Variants in PDGFD observed in about 807,000 individuals in gnomAD.
The protein encoded by PDGFD is platelet-derived growth factor D.
PDGFD carries 30 observed loss-of-function variants against 44.7 expected under a neutral mutation model. The observed-to-expected ratio is 0.67, with a 90% CI of 0.50 to 0.91. The LOEUF (loss-of-function observed/expected upper bound fraction) is 0.91, where lower values mean the gene tolerates loss of function less well. PDGFD is among the 40% of genes least tolerant of loss of function. The pLI is 0.00. For missense variants in PDGFD, 445 were observed against 457.8 expected, an observed-to-expected ratio of 0.97 and a Z score of 0.25; for synonymous variants, 173 against 168.4, an observed-to-expected ratio of 1.03 and a Z score of -0.21.
intron 1 of PDGFD, among the ~76,000 whole-genome samples, chr11:104,013,290 C>T (rs1018555234): frequency 1.3e-5 from 2 of 152,106 alleles, no homozygotes; most frequent in Non-Finnish European, 2.9e-5. Flanking sequence ...GACCTGATTC[C>T]TCCTGCATAC....
intron 3 of PDGFD, among the ~76,000 whole-genome samples, chr11:103,964,499 G>T (rs773377169): frequency 1.3e-5 from 2 of 152,116 alleles, no homozygotes; most frequent in Non-Finnish European, 2.9e-5. Context: ...CCTTAGTCCA[G>T]ATTTTGTGCA....
rs139048263 is a variant in PDGFD at position 104,153,046 on chromosome 11, T to TGCACAAGCTCCTAAAGCTTA, written c.124+10738_124+10757dup. Among the ~76,000 whole-genome samples, 1,173 of 152,294 alleles carry TGCACAAGCTCCTAAAGCTTA rather than the reference T, an allele frequency of 7.7e-3. 14 individuals carry two copies. Among genetic ancestry groups the TGCACAAGCTCCTAAAGCTTA allele is most frequent in the African/African-American group, 0.026 (1,096 of 41,568 alleles). On this transcript the variant is annotated intron_variant, in intron 1 of 6. Coordinates refer to ENST00000393158, the MANE Select transcript of PDGFD (RefSeq NM_025208.5). ...CCTCTAGGTTTCTCCACATCAATGT[T>TGCACAAGCTCCTAAAGCTTA]GCACAAGCTCCTAAAGCTTAAAGTG...
chr11:103,946,706 A>G (rs1858672554), intron 4 of PDGFD, among the ~76,000 whole-genome samples: 1 of 152,228 alleles, frequency 6.6e-6, no homozygotes, highest in African/African-American at 2.4e-5. Context: ...GGTTCAGAGC[A>G]TGTATTCTGG....
chr11:104,079,012 T>C (rs868564757), intron 1 of PDGFD, among the ~76,000 whole-genome samples: 5 of 152,228 alleles, frequency 3.3e-5, no homozygotes, highest in South Asian at 2.1e-4. Flanking sequence ...ACTGTGAATA[T>C]TGCTTTAAAA....
intron 3 of PDGFD, among the ~76,000 whole-genome samples, chr11:103,958,336 C>A (rs572943646): frequency 3.9e-5 from 6 of 152,240 alleles, no homozygotes; most frequent in African/African-American, 1.4e-4. Context: ...ATAAACGAAT[C>A]TTCTTGATTT....
chr11:104,140,896 T>C (rs1253210702), intron 1 of PDGFD, among the ~76,000 whole-genome samples: 1 of 152,266 alleles, frequency 6.6e-6, no homozygotes, highest in Admixed American at 6.5e-5. Flanking sequence ...TCACAGCTAA[T>C]AGCTATATGT....
At chr11:104,052,551 T>G (rs1860557031) in intron 1 of PDGFD, among the ~76,000 whole-genome samples, 1 of 151,946 alleles carries the variant, frequency 6.6e-6, no homozygotes, top group East Asian at 1.9e-4. Flanking sequence ...CCAGGGAAGG[T>G]GCTCAGTAAG....
intron 3 of PDGFD, among the ~76,000 whole-genome samples, chr11:103,953,406 T>C (rs928380657): frequency 2.0e-5 from 3 of 152,194 alleles, no homozygotes; most frequent in East Asian, 3.8e-4. Context: ...TACAGATATA[T>C]GAATGAAGCA....
chr11:104,065,311 AACT>A (rs960728538), intron 1 of PDGFD, among the ~76,000 whole-genome samples: 10 of 152,156 alleles, frequency 6.6e-5, no homozygotes, highest in African/African-American at 2.4e-4. Flanking sequence ...ACCCTAATAT[AACT>A]ACTATTTCTA....
intron 1 of PDGFD, among the ~76,000 whole-genome samples, chr11:104,076,184 C>A (rs995773137): frequency 1.3e-5 from 2 of 152,108 alleles, no homozygotes; most frequent in African/African-American, 4.8e-5. Flanking sequence ...CACATTCCAC[C>A]ATGATTATGT....
At chr11:104,103,015 A>T (rs943698224) in intron 1 of PDGFD, among the ~76,000 whole-genome samples, 1 of 152,190 alleles carries the variant, frequency 6.6e-6, no homozygotes, top group Non-Finnish European at 1.5e-5. Flanking sequence ...CCAACAAGGC[A>T]CATGTATACA....
At chr11:103,956,411 A>G (rs1591093583) in intron 3 of PDGFD, among the ~76,000 whole-genome samples, 1 of 138,892 alleles carries the variant, frequency 7.2e-6, no homozygotes, top group Admixed American at 6.9e-5. Context: ...TTATGGCTGC[A>G]TAGTATTCCA....
At position 104,004,973 on chromosome 11, in the gene PDGFD, G is replaced by C. The variant is rs1320172861; in HGVS notation, c.125-4718C>G. On this transcript the variant is annotated intron_variant, in intron 1 of 6. Coordinates refer to ENST00000393158, the MANE Select transcript of PDGFD (RefSeq NM_025208.5). ...GGCACACTGCAACCTCCGCCTCCCG[G>C]GTTCAAGCAAGTCTCCTGCCTCAGC... is the stretch of plus-strand genomic sequence containing the variant. Among the ~76,000 whole-genome samples, 5 of 139,952 alleles carry C rather than the reference G, an allele frequency of 3.6e-5. No individual in the cohort carries two copies. In the South Asian group the frequency reaches 7.0e-4, roughly 20 times the overall value. 91.8% of individuals were successfully genotyped at this position (139,952 alleles called of 152,430 possible).
rs905467007 is a variant in PDGFD at position 104,104,694 on chromosome 11, G to A, written c.124+59110C>T. Among the ~76,000 whole-genome samples the A allele has an allele frequency of 3.9e-5, 6 of 151,950 alleles. No homozygotes were observed. In the South Asian group the frequency reaches 6.2e-4, roughly 16 times the overall value. On this transcript the variant is annotated intron_variant, in intron 1 of 6. Transcript: ENST00000393158. ...AATTCTATTATGTTCACACAATGAC[G>A]AAACCACCTAATATTCTCACCAAGA...
intron 1 of PDGFD, among the ~76,000 whole-genome samples, chr11:104,071,565 A>G (rs17331755): frequency 0.049 from 7,494 of 151,848 alleles, 215 homozygotes; most frequent in Non-Finnish European, 0.074. Flanking sequence ...TTTGTCTATT[A>G]TAAATATTGT....
intron 1 of PDGFD, among the ~76,000 whole-genome samples, chr11:104,011,923 TTTTGA>T (rs2134375278): frequency 6.6e-6 from 1 of 152,268 alleles, no homozygotes; most frequent in South Asian, 2.1e-4. Context: ...AAAAATTGTA[TTTTGA>T]TTTGTCACTG....
chr11:103,913,503 T>C (rs973372705), intron 6 of PDGFD, among the ~76,000 whole-genome samples: 3 of 152,192 alleles, frequency 2.0e-5, no homozygotes, highest in Non-Finnish European at 4.4e-5. Flanking sequence ...TTTAAAGCAG[T>C]GTGTAGAGGG....
At chr11:104,027,658 T>C (rs1860062387) in intron 1 of PDGFD, among the ~76,000 whole-genome samples, 1 of 152,246 alleles carries the variant, frequency 6.6e-6, no homozygotes, top group African/African-American at 2.4e-5. Flanking sequence ...GTCACTGACC[T>C]GCATCTTATC....
In PDGFD at chr11:103,941,060, C is replaced by T. The variant is rs1378377634; in HGVS notation, c.772+2392G>A. On this transcript the variant is annotated intron_variant, in intron 5 of 6. Coordinates refer to ENST00000393158, the MANE Select transcript of PDGFD (RefSeq NM_025208.5). Reference sequence around the variant, plus strand: ...CATCTAAAATATGTCAGAGACTGTTCCAAGTACTGCAGATACAGGATGAAC... The same window carrying T: ...CATCTAAAATATGTCAGAGACTGTTTCAAGTACTGCAGATACAGGATGAAC... Among the ~76,000 whole-genome samples, 4 of 152,152 alleles carry T rather than the reference C, an allele frequency of 2.6e-5. No individual in the cohort carries two copies. The East Asian group carries it at 5.8e-4, about 22-fold the overall frequency.
Sources: gnomAD v4.1 joint callset for allele counts (sites outside exome capture counted in the v4.1 genomes callset) on GRCh38, gnomAD v4.1.1 for gene constraint, MANE v1.5 for transcripts, NCBI Gene and HGNC (gene_info 2026-07-23, HGNC 2026-07-21) for gene names.